Variants in GOLGA4 observed in about 807,000 individuals in gnomAD.
GOLGA4 encodes the protein golgin subfamily A member 4.
Under a neutral mutation model 265.9 loss-of-function variants are expected in GOLGA4, and 169 were observed. The observed-to-expected ratio is 0.64, with a 90% CI of 0.56 to 0.72. The LOEUF is 0.72. Among genes scored for constraint, GOLGA4 ranks in the 30% least tolerant of loss-of-function variants. The pLI is 0.00. For missense variants in GOLGA4, 2,482 were observed against 2,483.4 expected (o/e 1.00, Z 0.01); for synonymous variants, 923 against 855.8 (o/e 1.08, Z -1.37).
intron 5 of GOLGA4, among the ~76,000 whole-genome samples, chr3:37,293,175 T>A (rs1317617598): frequency 2.0e-5 from 3 of 152,154 alleles, no homozygotes; most frequent in Non-Finnish European, 4.4e-5. Flanking sequence ...AGAAGGCTAT[T>A]GAAGGAAATT....
intron 5 of GOLGA4, among the ~76,000 whole-genome samples, chr3:37,292,614 A>G (rs2096867839): frequency 6.6e-6 from 1 of 151,834 alleles, no homozygotes; most frequent in African/African-American, 2.4e-5. Context: ...TGAACCCGGG[A>G]GGTGGAGTTT....
At chr3:37,283,891 G>C (rs1171919941) in intron 3 of GOLGA4, among the ~76,000 whole-genome samples, 1 of 152,156 alleles carries the variant, frequency 6.6e-6, no homozygotes, top group East Asian at 1.9e-4. Context: ...AATTAGCTCA[G>C]TTTTGTAGAA....
chr3:37,358,038 G>C (rs1179554739), intron 22 of GOLGA4, among the ~76,000 whole-genome samples: 1 of 152,092 alleles, frequency 6.6e-6, no homozygotes, highest in African/African-American at 2.4e-5. Context: ...CTGAAAAGCT[G>C]GTATAAGAAA....
intron 16 of GOLGA4, among the ~76,000 whole-genome samples, chr3:37,334,426 G>C (rs2097002413): frequency 6.6e-6 from 1 of 151,906 alleles, no homozygotes; most frequent in African/African-American, 2.4e-5. Context: ...AACAACTGGT[G>C]GGGGTAAATA....
Position 37,340,015 on chromosome 3 carries a change from T to C in GOLGA4, c.6397-109T>C, listed in dbSNP as rs1287381678. On this transcript the variant is annotated intron_variant, in intron 19 of 23. Transcript: ENST00000361924. ...ACCATTTGTCTTAATTTTATTTGCC[T>C]ATATTCTGTCTTCAGCATTAAAAAA... The C allele has an allele frequency of 5.7e-6, 3 of 528,868 alleles. No individual in the cohort carries two copies. The East Asian group carries it at 1.0e-4, about 18-fold the overall frequency. 32.8% of individuals were successfully genotyped at this position (528,868 alleles called of 1,614,324 possible).
chr3:37,314,608 T>C (rs1032136337), intron 10 of GOLGA4, among the ~76,000 whole-genome samples: 1 of 149,254 alleles, frequency 6.7e-6, no homozygotes, highest in East Asian at 2.0e-4. Flanking sequence ...ACCACTGCAC[T>C]CCATCCTGGG....
chr3:37,262,498 A>T (rs1197069397), intron 2 of GOLGA4, among the ~76,000 whole-genome samples: 1 of 151,608 alleles, frequency 6.6e-6, no homozygotes, highest in African/African-American at 2.4e-5. Flanking sequence ...TGAGACTCCC[A>T]TCTCAAAAAA....
intron 19 of GOLGA4, among the ~76,000 whole-genome samples, chr3:37,338,696 C>G (rs892312530): frequency 2.6e-5 from 4 of 152,088 alleles, no homozygotes; most frequent in African/African-American, 9.7e-5. Flanking sequence ...CAGAATATTT[C>G]ATCACCCCAA....
At chr3:37,328,280 A>T (rs1446872164) in intron 14 of GOLGA4, 136 bp from the exon 15 acceptor site, 149 of 684,492 alleles carry the variant, frequency 2.2e-4, no homozygotes, top group Middle Eastern at 5.5e-4. Context: ...TCACTCTCAC[A>T]CTCTCTCTCT....
chr3:37,355,109 A>G lies in GOLGA4; in HGVS notation c.6585A>G (p.Ala2195=). The change falls in exon 22 of 24, where the codon GCA becomes GCG. Residue 2195 remains alanine, a synonymous_variant. Coordinates refer to ENST00000361924, the MANE Select transcript of GOLGA4 (RefSeq NM_002078.5). ...YMMGRETKTM[A]KVITTVLKFP... ...TCTTGTTTTTCTTGTAGACCATGGCAAAAGTTATAACCACCGTACTGAAGT... is the reference window on the plus strand; with the variant it reads ...TCTTGTTTTTCTTGTAGACCATGGCGAAAGTTATAACCACCGTACTGAAGT... 6.3e-7 allele frequency: 1 copy of G among 1,598,132 alleles called. No homozygotes were observed.
chr3:37,268,188 CCTT>C lies in GOLGA4; in HGVS notation c.163-13765_163-13763del, dbSNP rs539280854. 1.6e-4 allele frequency among the ~76,000 whole-genome samples: 24 copies of C among 152,174 alleles called. No individual in the cohort carries two copies. In the South Asian group the frequency reaches 4.4e-3, roughly 28 times the overall value. On this transcript the variant is annotated intron_variant, in intron 2 of 23. Coordinates refer to ENST00000361924, the MANE Select transcript of GOLGA4 (RefSeq NM_002078.5). ...CCTCAAATCCCTGGGCTCAAGCAGT[CCTT>C]CTTCCTCAGCCTCCCAAGTATGTGG...
At chr3:37,251,828 G>A (rs1340414091) in intron 2 of GOLGA4, among the ~76,000 whole-genome samples, 1 of 152,102 alleles carries the variant, frequency 6.6e-6, no homozygotes, top group African/African-American at 2.4e-5. Context: ...GGGACTATAG[G>A]CGCACGCCAC....
chr3:37,255,262 G>A (rs759494330), intron 2 of GOLGA4, among the ~76,000 whole-genome samples: 14 of 152,088 alleles, frequency 9.2e-5, no homozygotes, highest in Non-Finnish European at 1.6e-4. Context: ...CCGGGTTCAA[G>A]CAATTCTCCC....
intron 2 of GOLGA4, among the ~76,000 whole-genome samples, chr3:37,275,215 C>CAAAAA (rs749758741): frequency 2.4e-4 from 11 of 44,970 alleles, no homozygotes; most frequent in East Asian, 1.8e-3. Context: ...GACTCCGTCT[C>CAAAAA]AAAAAAAAAA....
intron 17 of GOLGA4, among the ~76,000 whole-genome samples, chr3:37,336,529 G>C (rs769467624): frequency 2.0e-5 from 3 of 151,962 alleles, no homozygotes; most frequent in Non-Finnish European, 2.9e-5. Context: ...GGGAGGCCGA[G>C]GTGGGCAGAT....
intron 5 of GOLGA4, among the ~76,000 whole-genome samples, chr3:37,290,342 T>C (rs2096861617): frequency 1.3e-5 from 2 of 152,238 alleles, no homozygotes; most frequent in East Asian, 1.9e-4. Flanking sequence ...ATTAATCATA[T>C]AGGAATTTCC....
chr3:37,286,963 T>C (rs2096851175), intron 4 of GOLGA4, among the ~76,000 whole-genome samples: 1 of 152,200 alleles, frequency 6.6e-6, no homozygotes, highest in Non-Finnish European at 1.5e-5. Flanking sequence ...AATTTCCCAC[T>C]AGGTATTCCA....
intron 1 of GOLGA4, among the ~76,000 whole-genome samples, chr3:37,246,798 A>G (rs1164520168): frequency 6.6e-6 from 1 of 152,208 alleles, no homozygotes; most frequent in African/African-American, 2.4e-5. Context: ...AAATCAACAT[A>G]TACGCCCCTC....
intron 2 of GOLGA4, among the ~76,000 whole-genome samples, chr3:37,256,477 A>C (rs1407785808): frequency 1.3e-5 from 2 of 152,122 alleles, no homozygotes; most frequent in Non-Finnish European, 2.9e-5. Context: ...TCTCAAAAAA[A>C]AAAAGGGACA....
Sources: allele counts gnomAD v4.1 joint callset (sites outside exome capture counted in the v4.1 genomes callset), GRCh38; gene constraint gnomAD v4.1.1; transcripts MANE v1.5; gene names NCBI Gene and HGNC (gene_info 2026-07-23, HGNC 2026-07-21).